The following PDE1C variants were observed in gnomAD, a reference collection of about 807,000 sequenced individuals.
PDE1C encodes the protein phosphodiesterase 1C.
Under a neutral mutation model 93.1 loss-of-function variants are expected in PDE1C, and 62 were observed. The ratio of observed to expected loss-of-function variants is 0.67; its 90% CI spans 0.54 to 0.82. The LOEUF (loss-of-function observed/expected upper bound fraction) is 0.82, where lower values mean the gene tolerates loss of function less well. PDE1C is among the 40% of genes least tolerant of loss of function. The pLI, the probability that PDE1C is intolerant of heterozygous loss-of-function variation, is 0.00. For synonymous variants in PDE1C, 325 were observed against 310.1 expected, an observed-to-expected ratio of 1.05 and a Z score of -0.50; for missense variants, 742 against 884.6, an observed-to-expected ratio of 0.84 and a Z score of 2.04.
At chr7:31,663,135 A>G in the PDE1C span, among the ~76,000 whole-genome samples, 3 of 151,962 alleles carry the variant, frequency 2.0e-5, no homozygotes. Flanking sequence ...TCCTCTTCAT[A>G]CTCTGATTCT....
chr7:32,163,280 G>A (rs1802034812), intron 3 of PDE1C, among the ~76,000 whole-genome samples: 1 of 152,154 alleles, frequency 6.6e-6, no homozygotes, highest in South Asian at 2.1e-4. Flanking sequence ...CCCACACCAT[G>A]CCATATCATC....
At chr7:31,671,370 G>A in the PDE1C span, among the ~76,000 whole-genome samples, 2 of 152,248 alleles carry the variant, frequency 1.3e-5, no homozygotes, top group Admixed American at 6.5e-5. Context: ...TCCTACAAGG[G>A]GTTGAGTGCA....
At chr7:32,343,538 G>A (rs1451269109) in intron 1 of PDE1C, among the ~76,000 whole-genome samples, 4 of 152,216 alleles carry the variant, frequency 2.6e-5, no homozygotes, top group African/African-American at 9.6e-5. Flanking sequence ...AGGGCACATG[G>A]AGAGATAGTT....
intron 3 of PDE1C, among the ~76,000 whole-genome samples, chr7:32,156,877 A>C (rs990198336): frequency 6.6e-6 from 1 of 152,202 alleles, no homozygotes; most frequent in Non-Finnish European, 1.5e-5. Context: ...CAGTTAAGGT[A>C]CCCATTGATT....
At chr7:31,676,964 C>T in the PDE1C span, among the ~76,000 whole-genome samples, 1 of 152,224 alleles carries the variant, frequency 6.6e-6, no homozygotes, top group Admixed American at 6.5e-5. Flanking sequence ...AGTAACCACA[C>T]TCTGCAGCAA....
At chr7:31,662,346 C>G in the PDE1C span, among the ~76,000 whole-genome samples, 1 of 152,190 alleles carries the variant, frequency 6.6e-6, no homozygotes, top group Admixed American at 6.5e-5. Context: ...TTGGCGGATT[C>G]TCAGATCTGG....
At chr7:32,364,119 A>G (rs1487032412) in intron 1 of PDE1C, among the ~76,000 whole-genome samples, 1 of 152,182 alleles carries the variant, frequency 6.6e-6, no homozygotes, top group Non-Finnish European at 1.5e-5. Flanking sequence ...GGATAAATGG[A>G]GTGTGGGTCT....
At chr7:32,423,424 C>T (rs895073359) in intron 1 of PDE1C, among the ~76,000 whole-genome samples, 8 of 152,262 alleles carry the variant, frequency 5.3e-5, no homozygotes, top group African/African-American at 1.9e-4. Flanking sequence ...TCTCAGGTTG[C>T]TTGTCAGACT....
intron 3 of PDE1C, among the ~76,000 whole-genome samples, chr7:32,098,629 T>C (rs1797893410): frequency 6.6e-6 from 1 of 152,230 alleles, no homozygotes; most frequent in Non-Finnish European, 1.5e-5. Flanking sequence ...CTTACTCTTT[T>C]TACTTTATTA....
At chr7:31,962,082 ACT>A in intron 2 of PDE1C, among the ~76,000 whole-genome samples, 1 of 152,144 alleles carries the variant, frequency 6.6e-6, no homozygotes, top group Non-Finnish European at 1.5e-5. Context: ...TAAAAATAAA[ACT>A]CTGGCTTCTA....
At chr7:31,739,688 A>T in the PDE1C span, among the ~76,000 whole-genome samples, 1 of 152,088 alleles carries the variant, frequency 6.6e-6, no homozygotes, top group African/African-American at 2.4e-5. Flanking sequence ...GGTCCTCCTT[A>T]TGGTCACGTA....
At chr7:32,300,340 C>T (rs913749983), upstream of PDE1C, among the ~76,000 whole-genome samples, 4 of 152,150 alleles carry the variant, frequency 2.6e-5, no homozygotes, top group African/African-American at 4.8e-5. Flanking sequence ...AGGTTGGTAG[C>T]GAGATTAATT....
the PDE1C span, among the ~76,000 whole-genome samples, chr7:31,733,541 T>C: frequency 6.6e-6 from 1 of 152,244 alleles, no homozygotes; most frequent in Non-Finnish European, 1.5e-5. Flanking sequence ...TAAGCAGTTA[T>C]CCTGTCATCA....
At chr7:31,657,040 T>TACAC in the PDE1C span, among the ~76,000 whole-genome samples, 1 of 147,258 alleles carries the variant, frequency 6.8e-6, no homozygotes, top group African/African-American at 2.5e-5. Flanking sequence ...TGTATGTGTA[T>TACAC]ACACACACAC....
chr7:31,791,052 G>A (rs954998096), intron 16 of PDE1C, among the ~76,000 whole-genome samples: 1 of 152,056 alleles, frequency 6.6e-6, no homozygotes, highest in African/African-American at 2.4e-5. Context: ...TTTAAGAAGG[G>A]TAACACTATT....
At chr7:32,318,278 C>G (rs990125426) in intron 1 of PDE1C, among the ~76,000 whole-genome samples, 1 of 152,182 alleles carries the variant, frequency 6.6e-6, no homozygotes, top group Non-Finnish European at 1.5e-5. Flanking sequence ...ACCAAACCCC[C>G]CTTCTGAGTG....
At chr7:32,166,805 G>T (rs558479417) in intron 3 of PDE1C, among the ~76,000 whole-genome samples, 30 of 152,298 alleles carry the variant, frequency 2.0e-4, no homozygotes, top group African/African-American at 7.0e-4. Context: ...GACATGTCTT[G>T]ACGCTGCATT....
chr7:31,681,206 T>G, the PDE1C span, among the ~76,000 whole-genome samples: 3 of 152,160 alleles, frequency 2.0e-5, no homozygotes, highest in Non-Finnish European at 4.4e-5. Flanking sequence ...CTTCTAACAT[T>G]CAGAATGTGG....
At chr7:32,056,839 C>T (rs1794185857) in intron 1 of PDE1C, among the ~76,000 whole-genome samples, 1 of 152,132 alleles carries the variant, frequency 6.6e-6, no homozygotes, top group Non-Finnish European at 1.5e-5. Context: ...AAATTGGATA[C>T]TCCCAATTTT....
Sources: gnomAD v4.1 joint callset for allele counts (sites outside exome capture counted in the v4.1 genomes callset) on GRCh38, gnomAD v4.1.1 for gene constraint, MANE v1.5 for transcripts, NCBI Gene and HGNC (gene_info 2026-07-23, HGNC 2026-07-21) for gene names.